Variants in WDPCP observed in about 807,000 individuals in gnomAD.
WDPCP encodes WD repeat containing planar cell polarity effector.
Under a neutral mutation model 93.1 loss-of-function variants are expected in WDPCP, and 71 were observed. The observed-to-expected ratio is 0.76, with a 90% CI of 0.63 to 0.93. The LOEUF (loss-of-function observed/expected upper bound fraction) is 0.93, where lower values mean the gene tolerates loss of function less well. WDPCP is among the 40% of genes least tolerant of loss of function. The pLI is 0.00. For missense variants in WDPCP, 844 were observed against 887.4 expected (o/e 0.95, Z 0.62); for synonymous variants, 315 against 315.0 (o/e 1.00, Z 0.00).
chr2:63,454,416 T>C (rs1558656467), intron 6 of WDPCP, among the ~76,000 whole-genome samples: 2 of 151,646 alleles, frequency 1.3e-5, no homozygotes, highest in African/African-American at 2.4e-5. Flanking sequence ...GATGAGTTGA[T>C]GGGTGCAGCA....
intron 17 of WDPCP, among the ~76,000 whole-genome samples, chr2:63,134,895 G>A (rs1670515547): frequency 2.0e-5 from 3 of 152,212 alleles, no homozygotes; most frequent in African/African-American, 7.2e-5. Context: ...GGCCAATGCA[G>A]GTGGATTGCT....
chr2:63,403,887 A>C (rs1694340427), intron 10 of WDPCP, 161 bp downstream of exon 10: 1 of 946,304 alleles, frequency 1.1e-6, no homozygotes, highest in African/African-American at 1.7e-5. Context: ...TGGCAGTTAG[A>C]AAGTCATCCA....
At chr2:63,531,698 A>G (rs1178403584) in intron 1 of WDPCP, among the ~76,000 whole-genome samples, 1 of 152,182 alleles carries the variant, frequency 6.6e-6, no homozygotes, top group Non-Finnish European at 1.5e-5. Context: ...CCAAAACCCC[A>G]TCTGTAGGTC....
intron 2 of WDPCP, among the ~76,000 whole-genome samples, chr2:63,712,095 A>T (rs1336569620): frequency 6.6e-6 from 1 of 152,216 alleles, no homozygotes; most frequent in Non-Finnish European, 1.5e-5. Context: ...AATGGGACTT[A>T]GAATCTCATT....
chr2:63,637,274 C>G (rs1323672012), intron 3 of WDPCP, among the ~76,000 whole-genome samples: 1 of 151,710 alleles, frequency 6.6e-6, no homozygotes, highest in Non-Finnish European at 1.5e-5. Flanking sequence ...ATTGCTTAAA[C>G]CTGGGAGATG....
chr2:63,579,892 G>A (rs1026662489), intron 1 of WDPCP, among the ~76,000 whole-genome samples: 1 of 152,158 alleles, frequency 6.6e-6, no homozygotes, highest in African/African-American at 2.4e-5. Context: ...AGGTGATTAG[G>A]TCATGAGGGT....
chr2:63,634,413 T>C (rs111902094), intron 3 of WDPCP, among the ~76,000 whole-genome samples: 5 of 152,184 alleles, frequency 3.3e-5, no homozygotes, highest in Admixed American at 1.3e-4. Flanking sequence ...TCTATGGCAA[T>C]ACAATAATAG....
At position 63,673,129 on chromosome 2, in the gene WDPCP, C is replaced by T. The variant is rs187357161; in HGVS notation, n.309-22291G>A. ...TAAATATGTGTTAATTAGCATAATA[C>T]CTTAAGTGCATAAGGTACCTAAGTG... On this transcript the variant is annotated intron_variant and non_coding_transcript_variant, in intron 2 of 4. Coordinates refer to the WDPCP transcript ENST00000467687. 2.3e-3 allele frequency among the ~76,000 whole-genome samples: 346 copies of T among 152,172 alleles called. 2 individuals are homozygous for T. Among genetic ancestry groups the T allele is most frequent in the African/African-American group, 8.0e-3 (334 of 41,506 alleles).
intron 10 of WDPCP, among the ~76,000 whole-genome samples, chr2:63,391,120 A>T (rs1487755659): frequency 6.6e-6 from 1 of 152,236 alleles, no homozygotes; most frequent in Non-Finnish European, 1.5e-5. Flanking sequence ...TCCCTGATGA[A>T]CATCGAAGCA....
At chr2:63,171,872 C>T (rs776022481) in intron 15 of WDPCP, among the ~76,000 whole-genome samples, 1 of 152,146 alleles carries the variant, frequency 6.6e-6, no homozygotes, top group Non-Finnish European at 1.5e-5. Flanking sequence ...AAGGAATAAA[C>T]TACACATTAC....
At chr2:63,697,856 C>T (rs930597361) in intron 2 of WDPCP, among the ~76,000 whole-genome samples, 3 of 152,074 alleles carry the variant, frequency 2.0e-5, no homozygotes, top group Admixed American at 6.6e-5. Flanking sequence ...CCATGTTGCC[C>T]AGGCTGGTCT....
intron 3 of WDPCP, chr2:63,599,458 G>A (rs974187219): frequency 3.3e-6 from 2 of 601,704 alleles, no homozygotes; most frequent in African/African-American, 3.8e-5. Flanking sequence ...TTGTTAGGGA[G>A]TCTTTAAATG....
At chr2:63,200,959 G>A (rs1252604184) in intron 14 of WDPCP, among the ~76,000 whole-genome samples, 3 of 152,070 alleles carry the variant, frequency 2.0e-5, no homozygotes, top group African/African-American at 7.2e-5. Context: ...AGATATGGGA[G>A]GGGCCAGGGG....
chr2:63,711,247 A>G (rs549939521), intron 2 of WDPCP, among the ~76,000 whole-genome samples: 1 of 152,160 alleles, frequency 6.6e-6, no homozygotes, highest in Admixed American at 6.5e-5. Context: ...CAATGAGTTG[A>G]AAAAAATGAG....
intron 2 of WDPCP, among the ~76,000 whole-genome samples, chr2:63,782,295 A>G (rs746966451): frequency 6.6e-6 from 1 of 152,230 alleles, no homozygotes; most frequent in African/African-American, 2.4e-5. Flanking sequence ...ACAAGCAACA[A>G]AACCAAAAAT....
intron 1 of WDPCP, among the ~76,000 whole-genome samples, chr2:63,579,360 A>G (rs573522302): frequency 7.2e-5 from 11 of 152,352 alleles, no homozygotes; most frequent in African/African-American, 2.4e-4. Flanking sequence ...CTGTAATCAC[A>G]GCACTTCGGG....
intron 6 of WDPCP, chr2:63,442,132 C>T (rs1302756419): frequency 6.6e-6 from 1 of 152,038 alleles, no homozygotes; most frequent in Admixed American, 6.6e-5. Context: ...GCACCCACCT[C>T]AAATATTCAA....
intron 3 of WDPCP, among the ~76,000 whole-genome samples, chr2:63,639,451 G>C (rs1490321942): frequency 1.3e-5 from 2 of 151,992 alleles, no homozygotes; most frequent in Non-Finnish European, 2.9e-5. Context: ...TGGCCTAGAA[G>C]TTTATTTCTT....
chr2:63,609,797 G>A (rs556744441), intron 3 of WDPCP, among the ~76,000 whole-genome samples: 7 of 152,072 alleles, frequency 4.6e-5, no homozygotes, highest in South Asian at 2.1e-4. Context: ...GCTTGAACCC[G>A]GGAGGTCAAG....
Sources: allele counts gnomAD v4.1 joint callset (sites outside exome capture counted in the v4.1 genomes callset), GRCh38; gene constraint gnomAD v4.1.1; transcripts MANE v1.5; gene names NCBI Gene and HGNC (gene_info 2026-07-23, HGNC 2026-07-21).